The following ATP13A3 variants were observed in gnomAD, a reference collection of about 807,000 sequenced individuals.
ATP13A3 encodes the protein polyamine-transporting ATPase 13A3.
Under a neutral mutation model 158.1 loss-of-function variants are expected in ATP13A3, and 59 were observed. The observed-to-expected ratio is 0.37, with a 90% confidence interval of 0.30 to 0.46. The LOEUF (loss-of-function observed/expected upper bound fraction) is 0.46, where lower values mean the gene tolerates loss of function less well. Among genes scored for constraint, ATP13A3 ranks in the 20% least tolerant of loss-of-function variants. The pLI is 1.00. For synonymous variants in ATP13A3, 491 were observed against 504.3 expected (o/e 0.97, Z 0.35); for missense variants, 1,166 against 1,525.2 (o/e 0.76, Z 3.92).
At chr3:194,417,329 C>T (rs1398833052) in intron 31 of ATP13A3, among the ~76,000 whole-genome samples, 3 of 150,312 alleles carry the variant, frequency 2.0e-5, no homozygotes, top group African/African-American at 4.9e-5. Flanking sequence ...GCAGGAGAAT[C>T]GCTTGAATCC....
In ATP13A3 at chr3:194,448,395, C is replaced by T. The variant is rs1199588445; in HGVS notation, c.1150+62G>A. The T allele has an allele frequency of 6.4e-7, 1 of 1,562,828 alleles. No individual in the cohort carries two copies. Among genetic ancestry groups the T allele is most frequent in the Non-Finnish European group, 8.8e-7 (1 of 1,137,178 alleles). On this transcript the variant is annotated intron_variant, in intron 12 of 33. Transcript: ENST00000645319. The surrounding 1 kb of genome is among the most constrained non-coding windows in gnomAD (Gnocchi z 4.0). ...ACCCAGCCCAGAATCTCTTTTTAAA[C>T]ATTTAGTAGGTATCAAATATGCTGA...
intron 24 of ATP13A3, 145 bp from the exon 25 acceptor site, chr3:194,430,460 G>A (rs997382885): frequency 1.1e-6 from 1 of 908,856 alleles, no homozygotes; most frequent in Admixed American, 2.3e-5. Context: ...TCACTATAAT[G>A]AACACAGGTG....
chr3:194,481,704 T>C (rs1720757710), intron 2 of ATP13A3, among the ~76,000 whole-genome samples: 1 of 152,198 alleles, frequency 6.6e-6, no homozygotes, highest in Non-Finnish European at 1.5e-5. Context: ...TATTTTTACT[T>C]CAAACTTGAG....
At chr3:194,426,698 C>A (rs1716800194) in intron 29 of ATP13A3, among the ~76,000 whole-genome samples, 1 of 152,266 alleles carries the variant, frequency 6.6e-6, no homozygotes. Context: ...AAGCAGCCTG[C>A]ATGCAAACTT....
upstream of ATP13A3, chr3:194,487,381 G>A (rs549472724): frequency 6.6e-6 from 1 of 152,494 alleles, no homozygotes; most frequent in South Asian, 2.1e-4. Context: ...CATGGTCATG[G>A]AGGAAGCTTG....
At chr3:194,486,033 G>C (rs1037285762) in intron 1 of ATP13A3, among the ~76,000 whole-genome samples, 198 bp from the exon 2 acceptor site, 1 of 152,138 alleles carries the variant, frequency 6.6e-6, no homozygotes, top group Non-Finnish European at 1.5e-5. Context: ...AGGCCATAGC[G>C]AGAGTGGCCA....
chr3:194,446,424 C>T (rs899940843), intron 14 of ATP13A3, among the ~76,000 whole-genome samples: 5 of 152,188 alleles, frequency 3.3e-5, no homozygotes, highest in Admixed American at 6.5e-5. Context: ...CCCTGCGATA[C>T]GATGGCATCC....
chr3:194,433,898 T>A lies in ATP13A3; in HGVS notation c.2121-2A>T. 1 of 1,613,148 alleles carries A rather than the reference T, an allele frequency of 6.2e-7. No homozygotes were observed. ...TCCATGTTGTTCTCAATTGCATCTC[T>A]GCAGAAAAAGAAGTTTTAACACATA... is the stretch of plus-strand genomic sequence containing the variant. On this transcript the variant is annotated splice_acceptor_variant, in intron 20 of 33. Coordinates refer to ENST00000645319, the MANE Select transcript of ATP13A3 (RefSeq NM_001367549.1). LOFTEE classifies it high-confidence loss of function.
intron 32 of ATP13A3, 195 bp from the exon 33 acceptor site, chr3:194,412,483 A>T: frequency 1.8e-6 from 1 of 543,960 alleles, no homozygotes; most frequent in Non-Finnish European, 3.3e-6. Flanking sequence ...ATCATCATAA[A>T]ATTCTTGATA....
intron 20 of ATP13A3, among the ~76,000 whole-genome samples, chr3:194,435,929 G>A (rs184869033): frequency 1.3e-5 from 2 of 152,166 alleles, no homozygotes; most frequent in East Asian, 3.9e-4. Context: ...AAGAACTGTA[G>A]GCAATTCAGT....
At chr3:194,464,974 T>C (rs930254182) in intron 2 of ATP13A3, among the ~76,000 whole-genome samples, 7 of 151,776 alleles carry the variant, frequency 4.6e-5, no homozygotes, top group Admixed American at 4.6e-4. Flanking sequence ...ACCTAAAATA[T>C]GCTTCCTCAG....
At chr3:194,439,515 C>A (rs1007375753) in intron 16 of ATP13A3, among the ~76,000 whole-genome samples, 14 of 152,188 alleles carry the variant, frequency 9.2e-5, no homozygotes, top group African/African-American at 2.9e-4. Flanking sequence ...GAAAAACATT[C>A]GAAGAAAAAC....
At chr3:194,415,661 C>CTTTTTTTTTTTTTTTTTTTTTTTT (rs751005733) in intron 31 of ATP13A3, among the ~76,000 whole-genome samples, 9 of 90,928 alleles carry the variant, frequency 9.9e-5, no homozygotes, top group South Asian at 4.0e-4. Flanking sequence ...ATACCACATT[C>CTTTTTTTTTTTTTTTTTTTTTTTT]TTTTTTTTTT....
rs1217989637 is a variant in ATP13A3 at position 194,486,745 on chromosome 3, G to C, written c.-268C>G. ...GCGGCTCAGGGTGAGGGAAGGAGGC[G>C]CCGCGGCGGGGCCGGGCCGGCCCTG... On this transcript the variant is annotated 5_prime_UTR_variant, in exon 1 of 34. Transcript: ENST00000645319. 4 of 150,634 alleles carry C rather than the reference G, an allele frequency of 2.7e-5. No individual in the cohort carries two copies. Among genetic ancestry groups the C allele is most frequent in the African/African-American group, 7.3e-5 (3 of 41,214 alleles). The allele number at this position is 150,634 out of a possible 1,614,324, so 9.3% of individuals were successfully genotyped here.
intron 2 of ATP13A3, among the ~76,000 whole-genome samples, chr3:194,470,072 A>G (rs1720232329): frequency 6.6e-6 from 1 of 152,212 alleles, no homozygotes; most frequent in Admixed American, 6.5e-5. Context: ...ATGACATAAT[A>G]TAATTTAATG....
chr3:194,455,505 C>T (rs1407361595), intron 8 of ATP13A3, among the ~76,000 whole-genome samples: 1 of 152,162 alleles, frequency 6.6e-6, no homozygotes, highest in African/African-American at 2.4e-5. Flanking sequence ...CTTCCAATTC[C>T]TAATCACTAC....
In ATP13A3 at chr3:194,475,248, G is replaced by A. The variant is rs1467387521; in HGVS notation, c.-47+10546C>T. On this transcript the variant is annotated intron_variant, in intron 2 of 33. Transcript: ENST00000645319. ...AAAAATAATTTTTTTCATTACTTCT[G>A]TATGGTTCACTTCAGAATTACTGTG... Among the ~76,000 whole-genome samples the A allele has an allele frequency of 3.3e-5, 5 of 152,092 alleles. No homozygotes were observed. The East Asian group carries it at 9.6e-4, about 29-fold the overall frequency.
At chr3:194,462,071 G>A (rs902881925) in intron 3 of ATP13A3, 69 bp downstream of exon 3, 58 of 1,486,508 alleles carry the variant, frequency 3.9e-5, no homozygotes, top group East Asian at 3.6e-4. Context: ...CATTTTTCTA[G>A]TCCCTAAAAT....
At chr3:194,464,023 T>C (rs1165459231) in intron 2 of ATP13A3, among the ~76,000 whole-genome samples, 1 of 152,132 alleles carries the variant, frequency 6.6e-6, no homozygotes, top group Non-Finnish European at 1.5e-5. Flanking sequence ...TAGCCGGGCA[T>C]GATGGCGGGT....
Sources: gnomAD v4.1 joint callset for allele counts (sites outside exome capture counted in the v4.1 genomes callset) on GRCh38, gnomAD v4.1.1 for gene constraint, Gnocchi (gnomAD v3.1) non-coding constraint, MANE v1.5 for transcripts, NCBI Gene and HGNC (gene_info 2026-07-23, HGNC 2026-07-21) for gene names.